Variants in AQP10 observed in about 807,000 individuals in gnomAD.
AQP10 encodes aquaporin 10, also known as aquaporin-10.
In AQP10, 15 loss-of-function variants were observed where a neutral mutation model predicts 21.0. The observed-to-expected ratio is 0.71, with a 90% CI of 0.48 to 1.10. AQP10 has a LOEUF of 1.10. Among genes scored for constraint, AQP10 ranks in the 50% least tolerant of loss-of-function variants. AQP10 has a pLI of 0.00. For synonymous variants in AQP10, 143 were observed against 155.7 expected (o/e 0.92, Z 0.61); for missense variants, 268 against 379.5 (o/e 0.71, Z 2.44).
chr1:154,321,323 T>C, intron 1 of AQP10, 63 bp downstream of exon 1: 2 of 1,368,232 alleles, frequency 1.5e-6, no homozygotes, highest in Non-Finnish European at 1.0e-6. Flanking sequence ...GCTCCTTCTG[T>C]TGTCCTTATC....
At position 154,323,175 on chromosome 1, in the gene AQP10, GT is replaced by G. The variant is rs1389820407; in HGVS notation, c.370+57del. On this transcript the variant is annotated intron_variant, in intron 3 of 5. Coordinates refer to ENST00000324978, the MANE Select transcript of AQP10 (RefSeq NM_080429.3). The surrounding 1 kb of genome is among the most constrained non-coding windows in gnomAD (Gnocchi z 4.5). Reference sequence around the variant, plus strand: ...TGAGAGCACCTGTGGGTGGGCAGGGGTGCCTCAGAATGGTTTTGGATGAATG... The same window carrying G: ...TGAGAGCACCTGTGGGTGGGCAGGGGGCCTCAGAATGGTTTTGGATGAATG... The G allele has an allele frequency of 1.9e-6, 3 of 1,613,988 alleles. No homozygotes were observed. The East Asian group carries it at 6.7e-5, about 36-fold the overall frequency.
At chr1:154,322,479 G>A (rs1570835961) in intron 2 of AQP10, among the ~76,000 whole-genome samples, 2 of 104,516 alleles carry the variant, frequency 1.9e-5, no homozygotes, top group African/African-American at 8.5e-5. Context: ...TGGATTCACA[G>A]TGTCTTCTTC....
Position 154,325,024 on chromosome 1 carries a change from CAG to C in AQP10, c.*549_*550del, listed in dbSNP as rs1328020477. 6.6e-6 allele frequency: 1 copy of C among 151,882 alleles called. No individual in the cohort carries two copies. The highest frequency in any genetic ancestry group is 1.5e-5 in the Non-Finnish European group (1 of 68,082). The allele number at this position is 151,882 out of a possible 1,614,324, so 9.4% of individuals were successfully genotyped here. Reference sequence around the variant, plus strand: ...GAAGGAGGGCGGCGGGGCACAGAGACAGAGAGCAAGGCTGTGAAACTGAGGCA... The same window carrying C: ...GAAGGAGGGCGGCGGGGCACAGAGACAGAGCAAGGCTGTGAAACTGAGGCA... On this transcript the variant is annotated 3_prime_UTR_variant, in exon 6 of 6. Transcript: ENST00000324978.
In AQP10 at chr1:154,322,489, C is replaced by CTTCTTCTTCT. The variant is rs376265152; in HGVS notation, c.232+432_232+433insCTTCTTCTTT. Among the ~76,000 whole-genome samples, 616 of 117,776 alleles carry CTTCTTCTTCT rather than the reference C, an allele frequency of 5.2e-3. 5 individuals carry two copies. The highest frequency in any genetic ancestry group is 7.1e-3 in the Admixed American group (75 of 10,524). The allele number at this position is 117,776 out of a possible 152,430, so 77.3% of individuals were successfully genotyped here. On this transcript the variant is annotated intron_variant, in intron 2 of 5. Transcript: ENST00000324978. ...AACTTTGGATTCACAGTGTCTTCTT[C>CTTCTTCTTCT]TTTTTTTTTTTTTTTTTTCTTTTTT... is the stretch of plus-strand genomic sequence containing the variant.
In AQP10 at chr1:154,324,391, G is replaced by A. The variant is rs974267438; in HGVS notation, c.817G>A (p.Glu273Lys). The change falls in exon 6 of 6, where the codon GAG becomes AAG. Residue 273 changes from glutamate (E) to lysine (K), a missense_variant. By Grantham distance (56) the Glu-to-Lys change is moderately conservative. Transcript: ENST00000324978. ...LVALHHPEGP[E>K]PAQDLVSAQH... Reference sequence around the variant, plus strand: ...GGCTCTGCACCACCCTGAGGGCCCAGAGCCAGCTCAGGATCTGGTGTCTGC... The same window carrying A: ...GGCTCTGCACCACCCTGAGGGCCCAAAGCCAGCTCAGGATCTGGTGTCTGC... 9.9e-6 allele frequency: 16 copies of A among 1,613,518 alleles called. No individual in the cohort carries two copies. The African/African-American group carries it at 1.6e-4, about 16-fold the overall frequency.
chr1:154,322,095 G>T (rs1685654631), intron 2 of AQP10, 36 bp downstream of exon 2: 1 of 1,611,474 alleles, frequency 6.2e-7, no homozygotes. Flanking sequence ...AGAGCACGTG[G>T]GATGTGCATG....
At position 154,322,010 on chromosome 1, in the gene AQP10, T is replaced by C. The variant is rs1444451180; in HGVS notation, c.183T>C (p.Ala61=). The change falls in exon 2 of 6, where the codon GCT becomes GCC. Residue 61 remains alanine (A), a synonymous_variant. Transcript: ENST00000324978. ...GCAACTTCTTCACCATGTTTCTGGC[T>C]GGCTCTCTGGCCGTTACGATAGCCA... ...TKGNFFTMFL[A]GSLAVTIAIY... is the part of the protein sequence containing the mutation. The C allele has an allele frequency of 6.2e-7, 1 of 1,613,826 alleles. No individual in the cohort carries two copies. Among genetic ancestry groups the C allele is most frequent in the Admixed American group, 1.7e-5 (1 of 59,952 alleles).
At chr1:154,322,137 C>T in intron 2 of AQP10, 78 bp downstream of exon 2, 1 of 1,575,880 alleles carries the variant, frequency 6.3e-7, no homozygotes, top group Non-Finnish European at 8.6e-7. Flanking sequence ...GGTGGAAACG[C>T]AAATCCTTCT....
chr1:154,322,811 T>C (rs1442106128), intron 2 of AQP10, among the ~76,000 whole-genome samples, 171 bp from the exon 3 acceptor site: 1 of 152,186 alleles, frequency 6.6e-6, no homozygotes, highest in African/African-American at 2.4e-5. Flanking sequence ...AGTGTGACTT[T>C]GCTAAGTCAC....
chr1:154,323,409 G>T lies in AQP10; in HGVS notation c.489+50G>T. The T allele has an allele frequency of 6.4e-7, 1 of 1,573,804 alleles. No individual in the cohort carries two copies. The highest frequency in any genetic ancestry group is 8.7e-7 in the Non-Finnish European group (1 of 1,146,590). On this transcript the variant is annotated intron_variant, in intron 4 of 5. Transcript: ENST00000324978. This position sits in a 1 kb window ranked among gnomAD's most constrained non-coding sequence, Gnocchi z 4.5. ...GACACTACTTTGGTCCTGTTCCTCG[G>T]CACCCCAGCCTATTGTTCAGTCTCT...
Position 154,323,094 on chromosome 1 carries a change from G to A in AQP10, c.345G>A (p.Ser115=), listed in dbSNP as rs138299081. ...AGTTGCTGTCTGCTTTCTGTGCTTC[G>A]GGAGCCACCTATGTTCTCTACCATG... is the stretch of plus-strand genomic sequence containing the variant. ...LVQLLSAFCA[S]GATYVLYHDA... Residue 115 remains serine (S), a synonymous_variant, in exon 3 of 6, where the codon TCG becomes TCA. Transcript: ENST00000324978. The surrounding 1 kb of genome is among the most constrained non-coding windows in gnomAD (Gnocchi z 4.5). The A allele has an allele frequency of 8.1e-5, 131 of 1,613,986 alleles. No individual in the cohort carries two copies. Among genetic ancestry groups the A allele is most frequent in the East Asian group, 1.3e-4 (6 of 44,896 alleles).
At position 154,324,277 on chromosome 1, in the gene AQP10, T is replaced by G; in HGVS notation, c.708-5T>G. ...TGATACCTTCCCACTGTCCTTCTTT[T>G]GCAGTGCTGGTAATGGCTGGTGGTG... is the stretch of plus-strand genomic sequence containing the variant. On this transcript the variant is annotated splice_region_variant and splice_polypyrimidine_tract_variant and intron_variant, in intron 5 of 5. Coordinates refer to ENST00000324978, the MANE Select transcript of AQP10 (RefSeq NM_080429.3). 1 of 1,535,142 alleles carries G rather than the reference T, an allele frequency of 6.5e-7. No individual in the cohort carries two copies. Among genetic ancestry groups the G allele is most frequent in the Non-Finnish European group, 8.7e-7 (1 of 1,146,298 alleles).
chr1:154,322,489 C>CTTTTTTTT (rs5777905), intron 2 of AQP10, among the ~76,000 whole-genome samples: 3 of 117,858 alleles, frequency 2.5e-5, no homozygotes, highest in Non-Finnish European at 5.1e-5. Context: ...GTGTCTTCTT[C>CTTTTTTTT]TTTTTTTTTT....
At position 154,321,249 on chromosome 1, in the gene AQP10, T is replaced by C; in HGVS notation, c.94T>C (p.Phe32Leu). 1 of 1,612,950 alleles carries C rather than the reference T, an allele frequency of 6.2e-7. No homozygotes were observed. ...GTGCCTGGCAGAGTTTCTGGGTGTG[T>C]TTGTACTCATGGTAGGTAGGATCAC... Reference protein sequence around the residue: ...RQCLAEFLGVFVLMLLTQGAV... With the variant: ...RQCLAEFLGVLVLMLLTQGAV... Residue 32 changes from phenylalanine to leucine, a missense_variant, in exon 1 of 6, where the codon TTT becomes CTT. By Grantham distance (22) the Phe-to-Leu change is conservative (BLOSUM62 0). Transcript: ENST00000324978.
At position 154,323,547 on chromosome 1, in the gene AQP10, C is replaced by G. The variant is rs373931873; in HGVS notation, c.490-42C>G. On this transcript the variant is annotated intron_variant, in intron 4 of 5. Transcript: ENST00000324978. This position sits in a 1 kb window ranked among gnomAD's most constrained non-coding sequence, Gnocchi z 4.5. ...GGATGAGAGAGGGCAGATGGAGCAC[C>G]TGGCAGCTGACAGGGAACCCTCTGC... The G allele has an allele frequency of 6.3e-7, 1 of 1,590,296 alleles. No homozygotes were observed. The highest frequency in any genetic ancestry group is 1.3e-5 in the African/African-American group (1 of 74,396).
Position 154,323,511 on chromosome 1 carries a change from A to G in AQP10, c.490-78A>G. On this transcript the variant is annotated intron_variant, in intron 4 of 5. Transcript: ENST00000324978. This position sits in a 1 kb window ranked among gnomAD's most constrained non-coding sequence, Gnocchi z 4.5. ...CCTGTGTTGCACAAAGCCAGATGAC[A>G]TGGAATATTTGGATGAGAGAGGGCA... 1 of 1,543,630 alleles carries G rather than the reference A, an allele frequency of 6.5e-7. No homozygotes were observed. Among genetic ancestry groups the G allele is most frequent in the Non-Finnish European group, 8.8e-7 (1 of 1,130,076 alleles).
chr1:154,321,277 C>T lies in AQP10; in HGVS notation c.105+17C>T, dbSNP rs756921381. 9.4e-6 allele frequency: 15 copies of T among 1,598,996 alleles called. No homozygotes were observed. Among genetic ancestry groups the T allele is most frequent in the Admixed American group, 1.7e-5 (1 of 58,644 alleles). ...GTACTCATGGTAGGTAGGATCACTG[C>T]GGGAAGGAAAGAAGGGGGTTGGGCA... On this transcript the variant is annotated intron_variant, in intron 1 of 5. Transcript: ENST00000324978.
chr1:154,321,405 TCTC>T (rs1317486161), intron 1 of AQP10, 145 bp downstream of exon 1: 11 of 554,172 alleles, frequency 2.0e-5, no homozygotes, highest in Non-Finnish European at 3.1e-5. Context: ...TCTCTCCTAA[TCTC>T]CTTTCCTCTC....
At chr1:154,321,569 C>A (rs1380799071) in intron 1 of AQP10, among the ~76,000 whole-genome samples, 1 of 152,032 alleles carries the variant, frequency 6.6e-6, no homozygotes, top group Non-Finnish European at 1.5e-5. Flanking sequence ...TTATACTTGG[C>A]CTGATGATTG....
Sources: gnomAD v4.1 joint callset for allele counts (sites outside exome capture counted in the v4.1 genomes callset) on GRCh38, gnomAD v4.1.1 for gene constraint, Gnocchi (gnomAD v3.1) non-coding constraint, MANE v1.5 for transcripts, NCBI Gene and HGNC (gene_info 2026-07-23, HGNC 2026-07-21) for gene names.